Variants in AARS1 observed in about 807,000 individuals in gnomAD.
AARS1 encodes the protein alanine--tRNA ligase, cytoplasmic.
A neutral mutation model predicts 108.9 loss-of-function variants in AARS1; 72 were observed. That is an observed-to-expected ratio of 0.66 (90% CI 0.55 to 0.80). The LOEUF (loss-of-function observed/expected upper bound fraction) is 0.80, where lower values mean the gene tolerates loss of function less well. Among genes scored for constraint, AARS1 ranks in the 30% least tolerant of loss-of-function variants. The pLI, the probability that AARS1 is intolerant of heterozygous loss-of-function variation, is 0.00. For synonymous variants in AARS1, 489 were observed against 465.7 expected, an observed-to-expected ratio of 1.05 and a Z score of -0.64; for missense variants, 1,193 against 1,233.2, an observed-to-expected ratio of 0.97 and a Z score of 0.49.
chr16:70,286,336 G>A (rs1183541706), intron 1 of AARS1, among the ~76,000 whole-genome samples: 4 of 151,074 alleles, frequency 2.6e-5, no homozygotes, highest in African/African-American at 2.4e-5. Flanking sequence ...CTTAAATCAC[G>A]CTGTGGCTCC....
rs775200 is a variant in AARS1 at position 70,287,124 on chromosome 16, G to A, written c.-22+2297C>T. Among the ~76,000 whole-genome samples the A allele has an allele frequency of 2.6e-5, 4 of 151,476 alleles. No individual in the cohort carries two copies. The East Asian group carries it at 6.0e-4, about 23-fold the overall frequency. On this transcript the variant is annotated intron_variant, in intron 1 of 20. Coordinates refer to ENST00000261772, the MANE Select transcript of AARS1 (RefSeq NM_001605.3). ...AAATTAGCCGGGCGTGGTAGCGGGC[G>A]CCTGTAGTCCCAGCTAGCTACTCGG...
intron 5 of AARS1, among the ~76,000 whole-genome samples, chr16:70,271,214 C>A (rs80228853): frequency 0.071 from 10,728 of 151,388 alleles, 1,255 homozygotes; most frequent in African/African-American, 0.25. Flanking sequence ...CTGAGGCAAG[C>A]TTCAAGGAAA....
At chr16:70,258,484 G>A (rs922569248) in intron 14 of AARS1, among the ~76,000 whole-genome samples, 3 of 152,174 alleles carry the variant, frequency 2.0e-5, no homozygotes, top group African/African-American at 7.2e-5. Context: ...GGTGGGGTGG[G>A]ACAAATGCCT....
At chr16:70,270,837 C>CA (rs1158290824) in intron 5 of AARS1, among the ~76,000 whole-genome samples, 2,869 of 53,136 alleles carry the variant, frequency 0.054, 125 homozygotes, top group African/African-American at 0.15. Context: ...AACTCCATCT[C>CA]AAAAAAAAAA....
At chr16:70,287,724 C>A (rs981541938) in intron 1 of AARS1, among the ~76,000 whole-genome samples, 1 of 152,078 alleles carries the variant, frequency 6.6e-6, no homozygotes, top group African/African-American at 2.4e-5. Flanking sequence ...GCCTAGGTAA[C>A]AGGGTGAGAC....
In AARS1 at chr16:70,276,559, T is replaced by C. The variant is rs777540230; in HGVS notation, c.406A>G (p.Thr136Ala). 5.0e-6 allele frequency: 8 copies of C among 1,614,130 alleles called. No individual in the cohort carries two copies. The highest frequency in any genetic ancestry group is 6.8e-6 in the Non-Finnish European group (8 of 1,180,016). Residue 136 changes from threonine (T) to alanine (A), a missense_variant, in exon 4 of 21, where the codon ACT becomes GCT. Thr to Ala is a moderately conservative substitution (Grantham distance 58). Transcript: ENST00000261772. ...FGIPIERLYV[T>A]YFGGDEAAGL... ...GCTGCTTCATCCCCGCCAAAGTAAG[T>C]AACATAAAGTCTTTCAATGGGAATG...
chr16:70,260,541 C>T (rs1382424904), intron 13 of AARS1, among the ~76,000 whole-genome samples: 1 of 152,200 alleles, frequency 6.6e-6, no homozygotes, highest in Admixed American at 6.5e-5. Flanking sequence ...TAACTGAAAT[C>T]ACTGGTGAAA....
chr16:70,284,656 T>C (rs1268998923), intron 1 of AARS1, among the ~76,000 whole-genome samples: 2 of 151,998 alleles, frequency 1.3e-5, no homozygotes, highest in Non-Finnish European at 2.9e-5. Flanking sequence ...CCCTGAGAGG[T>C]AGGCTGGGGA....
chr16:70,282,538 CT>C, intron 2 of AARS1, 81 bp downstream of exon 2: 1 of 1,554,350 alleles, frequency 6.4e-7, no homozygotes, highest in Non-Finnish European at 8.9e-7. Flanking sequence ...CAGAATCGGT[CT>C]GACCCCAGGG....
At chr16:70,259,397 G>A (rs1960080788) in intron 13 of AARS1, among the ~76,000 whole-genome samples, 2 of 152,204 alleles carry the variant, frequency 1.3e-5, no homozygotes, top group Non-Finnish European at 2.9e-5. Flanking sequence ...TACCATTAAA[G>A]GGATGGGGCA....
intron 8 of AARS1, 126 bp downstream of exon 8, chr16:70,268,145 G>A: frequency 1.1e-6 from 1 of 910,658 alleles, no homozygotes; most frequent in Admixed American, 2.0e-5. Context: ...TCCAGCGTGG[G>A]TGACAGAGTG....
chr16:70,270,714 G>A (rs916149649), intron 5 of AARS1, among the ~76,000 whole-genome samples: 1 of 151,492 alleles, frequency 6.6e-6, no homozygotes, highest in African/African-American at 2.4e-5. Flanking sequence ...GCACATGCCT[G>A]TAATCCCAGC....
At chr16:70,284,230 CAGG>C (rs1007476509) in intron 1 of AARS1, among the ~76,000 whole-genome samples, 4 of 151,164 alleles carry the variant, frequency 2.6e-5, no homozygotes, top group African/African-American at 9.7e-5. Flanking sequence ...GGCACGAACC[CAGG>C]AGGTGGAGGT....
chr16:70,253,241 T>TAAG, intron 20 of AARS1, 27 bp downstream of exon 20: 1 of 1,555,614 alleles, frequency 6.4e-7, no homozygotes. Context: ...GACCTAACAC[T>TAAG]TCCCACTGGT....
chr16:70,269,913 A>T, intron 6 of AARS1, 150 bp from the exon 7 acceptor site: 1 of 1,098,792 alleles, frequency 9.1e-7, no homozygotes, highest in Non-Finnish European at 1.4e-6. Flanking sequence ...ACATTGGGGA[A>T]GTAGAGAGAC....
At chr16:70,280,989 G>A (rs1356850294) in intron 2 of AARS1, among the ~76,000 whole-genome samples, 1 of 151,964 alleles carries the variant, frequency 6.6e-6, no homozygotes, top group African/African-American at 2.4e-5. Context: ...CACCACACCT[G>A]GCTAATTTTT....
chr16:70,289,185 G>A (rs910273153), intron 1 of AARS1, among the ~76,000 whole-genome samples: 4 of 151,430 alleles, frequency 2.6e-5, no homozygotes, highest in African/African-American at 9.7e-5. Context: ...TAAAACCCCA[G>A]GTTGGCAACC....
chr16:70,266,487 C>T (rs1194759569), intron 9 of AARS1, among the ~76,000 whole-genome samples: 1 of 151,130 alleles, frequency 6.6e-6, no homozygotes, highest in Non-Finnish European at 1.5e-5. Flanking sequence ...CAGAGTGAGA[C>T]TCCATCTCAA....
At chr16:70,277,575 T>C (rs1166477681) in intron 2 of AARS1, among the ~76,000 whole-genome samples, 1 of 152,126 alleles carries the variant, frequency 6.6e-6, no homozygotes, top group Non-Finnish European at 1.5e-5. Flanking sequence ...TGACACATAT[T>C]AAGGGAATAA....
Sources: allele counts gnomAD v4.1 joint callset (sites outside exome capture counted in the v4.1 genomes callset), GRCh38; gene constraint gnomAD v4.1.1; transcripts MANE v1.5; gene names NCBI Gene and HGNC (gene_info 2026-07-23, HGNC 2026-07-21).